The following USP28 variants were observed in gnomAD, a reference collection of about 807,000 sequenced individuals.
The protein encoded by USP28 is ubiquitin specific peptidase 28, also known as ubiquitin carboxyl-terminal hydrolase 28.
In USP28, 113 loss-of-function variants were observed where a neutral mutation model predicts 145.0. The ratio of observed to expected loss-of-function variants is 0.78; its 90% CI spans 0.67 to 0.91. USP28 has a LOEUF of 0.91. Among genes scored for constraint, USP28 ranks in the 40% least tolerant of loss-of-function variants. The probability of loss-of-function intolerance (pLI) is 0.00; values close to 1 mark genes in which losing one functional copy is unlikely to be tolerated. For missense variants in USP28, 1,201 were observed against 1,289.6 expected, an observed-to-expected ratio of 0.93 and a Z score of 1.05; for synonymous variants, 447 against 450.9, an observed-to-expected ratio of 0.99 and a Z score of 0.11.
chr11:113,864,853 T>C (rs1948105085), intron 1 of USP28, among the ~76,000 whole-genome samples: 1 of 152,174 alleles, frequency 6.6e-6, no homozygotes, highest in South Asian at 2.1e-4. Flanking sequence ...TTAACCATCA[T>C]GAAGACAGTA....
At chr11:113,808,367 T>A (rs759430372) in exon 18 of USP28, 2 of 1,614,034 alleles carry the variant, frequency 1.2e-6, no homozygotes, top group Non-Finnish European at 1.7e-6. Flanking sequence ...CCTGGGCAGT[T>A]TGCTCCTTTA....
chr11:113,863,021 A>G (rs1308040256), intron 1 of USP28, among the ~76,000 whole-genome samples: 3 of 152,222 alleles, frequency 2.0e-5, no homozygotes, highest in Non-Finnish European at 4.4e-5. Context: ...TCAACACTGT[A>G]CTGGAAGTTT....
chr11:113,818,892 AAAAC>A (rs1942171281), intron 12 of USP28, among the ~76,000 whole-genome samples: 1 of 151,750 alleles, frequency 6.6e-6, no homozygotes, highest in Non-Finnish European at 1.5e-5. Context: ...CAAAAAAAAA[AAAAC>A]AAAGAAGACA....
chr11:113,806,608 C>T, intron 18 of USP28, 24 bp from the exon 20 acceptor site: 1 of 1,494,114 alleles, frequency 6.7e-7, no homozygotes, highest in Non-Finnish European at 9.0e-7. Context: ...GCACAAAACA[C>T]AGAGAGAAAG....
chr11:113,834,524 A>G (rs889334467), intron 5 of USP28, among the ~76,000 whole-genome samples, 189 bp from the exon 6 acceptor site: 8 of 152,356 alleles, frequency 5.3e-5, no homozygotes, highest in African/African-American at 1.9e-4. Flanking sequence ...GAATATTAAT[A>G]CTTTTAGGTA....
intron 5 of USP28, among the ~76,000 whole-genome samples, chr11:113,839,314 G>A (rs947817584): frequency 1.3e-5 from 2 of 152,192 alleles, no homozygotes; most frequent in Non-Finnish European, 2.9e-5. Context: ...GTGGGGCATG[G>A]TGGCTCAGGC....
intron 12 of USP28, among the ~76,000 whole-genome samples, chr11:113,822,118 TTTATGTTGTTGTGAAAAGATGGGGTCTC>T (rs1364414043): frequency 1.3e-5 from 2 of 152,190 alleles, no homozygotes; most frequent in East Asian, 1.9e-4. Context: ...TCTCATTTCT[TTTATGTTGTTGTGAAAAGATGGGGTCTC>T]TTATGTTGTT....
At chr11:113,874,484 C>G in intron 1 of USP28, 1 of 1,061,080 alleles carries the variant, frequency 9.4e-7, no homozygotes, top group Non-Finnish European at 1.2e-6. Flanking sequence ...GCCTTCCAGA[C>G]AAAAGAGTAA....
At chr11:113,848,031 A>G (rs575580938) in intron 3 of USP28, among the ~76,000 whole-genome samples, 10 of 152,360 alleles carry the variant, frequency 6.6e-5, no homozygotes, top group Admixed American at 2.0e-4. Context: ...TGAAAGGCAG[A>G]TGGGAAAAGT....
At chr11:113,803,928 T>C (rs751586901) in intron 21 of USP28, 51 bp from the exon 23 acceptor site, 1 of 1,509,774 alleles carries the variant, frequency 6.6e-7, no homozygotes, top group Admixed American at 1.7e-5. Context: ...AGATTGTTAG[T>C]GTCCTTCCCA....
intron 1 of USP28, among the ~76,000 whole-genome samples, chr11:113,869,034 C>G (rs1477257132): frequency 6.6e-6 from 1 of 151,978 alleles, no homozygotes; most frequent in Non-Finnish European, 1.5e-5. Flanking sequence ...GTGGCTCATG[C>G]CTGTAATCCC....
At chr11:113,808,459 G>T in intron 17 of USP28, 22 bp from the exon 18 acceptor site, 1 of 1,612,494 alleles carries the variant, frequency 6.2e-7, no homozygotes, top group Non-Finnish European at 8.5e-7. Context: ...TTGAACAAAG[G>T]TCTTAGCATC....
intron 15 of USP28, among the ~76,000 whole-genome samples, chr11:113,813,057 T>C (rs1033219115): frequency 5.9e-5 from 9 of 152,200 alleles, no homozygotes; most frequent in Admixed American, 1.3e-4. Context: ...GTATTTTCAA[T>C]ATAGAGAAAA....
chr11:113,840,622 T>C (rs1945088570), exon 5 of USP28: 2 of 1,614,040 alleles, frequency 1.2e-6, no homozygotes, highest in Admixed American at 1.7e-5. Context: ...TAAACCAACA[T>C]GTATTGCCAA....
intron 11 of USP28, among the ~76,000 whole-genome samples, chr11:113,824,409 C>A (rs2135755142): frequency 6.6e-6 from 1 of 152,076 alleles, no homozygotes; most frequent in South Asian, 2.1e-4. Flanking sequence ...CCTCCGCCTC[C>A]CGGGTTCAAG....
At chr11:113,848,980 T>C (rs1257106736) in intron 3 of USP28, among the ~76,000 whole-genome samples, 1 of 152,218 alleles carries the variant, frequency 6.6e-6, no homozygotes, top group African/African-American at 2.4e-5. Flanking sequence ...ATTACCTTGC[T>C]ATGAGACATT....
intron 1 of USP28, among the ~76,000 whole-genome samples, chr11:113,868,531 C>T (rs1397332473): frequency 1.3e-5 from 2 of 152,196 alleles, no homozygotes; most frequent in Admixed American, 6.5e-5. Flanking sequence ...CTTGAAGTCA[C>T]AGCTCTGCTA....
At chr11:113,836,510 T>G (rs746392544) in intron 5 of USP28, among the ~76,000 whole-genome samples, 6 of 152,210 alleles carry the variant, frequency 3.9e-5, no homozygotes, top group Non-Finnish European at 7.3e-5. Flanking sequence ...CCCGATTCAC[T>G]GAAGACTGTC....
intron 3 of USP28, 96 bp from the exon 4 acceptor site, chr11:113,841,864 C>G: frequency 1.4e-6 from 1 of 733,170 alleles, no homozygotes; most frequent in Admixed American, 2.7e-5. Flanking sequence ...CTAGCTTTCA[C>G]TACAACAATG....
Sources: gnomAD v4.1 joint callset for allele counts (sites outside exome capture counted in the v4.1 genomes callset) on GRCh38, gnomAD v4.1.1 for gene constraint, MANE v1.5 for transcripts, NCBI Gene and HGNC (gene_info 2026-07-23, HGNC 2026-07-21) for gene names.